The following TRPC7 variants were observed in gnomAD, a reference collection of about 807,000 sequenced individuals.
The protein encoded by TRPC7 is short transient receptor potential channel 7.
TRPC7 carries 42 observed loss-of-function variants against 90.1 expected under a neutral mutation model. The observed-to-expected ratio is 0.47, with a 90% CI of 0.36 to 0.60. The LOEUF is 0.60. TRPC7 is among the 20% of genes least tolerant of loss of function. The pLI, the probability that TRPC7 is intolerant of heterozygous loss-of-function variation, is 0.00. For missense variants in TRPC7, 955 were observed against 1,112.3 expected (o/e 0.86, Z 2.01); for synonymous variants, 451 against 436.3 (o/e 1.03, Z -0.42).
chr5:136,294,560 C>T (rs1758093538), intron 3 of TRPC7, among the ~76,000 whole-genome samples: 1 of 152,018 alleles, frequency 6.6e-6, no homozygotes, highest in African/African-American at 2.4e-5. Context: ...CCCTGGCCAT[C>T]AGAAAAATGC....
chr5:136,354,589 A>G (rs543803576), intron 2 of TRPC7, among the ~76,000 whole-genome samples: 1 of 152,198 alleles, frequency 6.6e-6, no homozygotes, highest in African/African-American at 2.4e-5. Context: ...AGTGCCTCAC[A>G]CTCCAAATTC....
intron 2 of TRPC7, among the ~76,000 whole-genome samples, chr5:136,333,307 A>T (rs1462372615): frequency 6.6e-6 from 1 of 152,122 alleles, no homozygotes; most frequent in Non-Finnish European, 1.5e-5. Context: ...AGAGGTTGGA[A>T]CAGGGCATTC....
chr5:136,243,812 C>A (rs1227065353), intron 7 of TRPC7, among the ~76,000 whole-genome samples: 1 of 152,094 alleles, frequency 6.6e-6, no homozygotes, highest in Non-Finnish European at 1.5e-5. Flanking sequence ...TCTGTTCAAT[C>A]AAATCCTATT....
At chr5:136,251,587 A>C (rs1756516763) in intron 6 of TRPC7, 62 bp downstream of exon 6, 1 of 1,321,376 alleles carries the variant, frequency 7.6e-7, no homozygotes, top group South Asian at 1.3e-5. Context: ...AGCCACAGTG[A>C]AGCACCAGGC....
intron 8 of TRPC7, among the ~76,000 whole-genome samples, chr5:136,227,864 T>TAATGCA (rs1305372100): frequency 6.6e-6 from 1 of 152,224 alleles, no homozygotes; most frequent in Non-Finnish European, 1.5e-5. Flanking sequence ...TTAAAGGAGT[T>TAATGCA]AATGCATAGA....
chr5:136,281,623 G>A (rs1007300452), intron 3 of TRPC7, among the ~76,000 whole-genome samples: 31 of 152,106 alleles, frequency 2.0e-4, no homozygotes, highest in African/African-American at 6.5e-4. Flanking sequence ...CATGGGGTTG[G>A]GAACATGCAC....
At chr5:136,358,884 CAA>C (rs1760472379) in intron 1 of TRPC7, among the ~76,000 whole-genome samples, 1 of 152,180 alleles carries the variant, frequency 6.6e-6, no homozygotes. Flanking sequence ...TAAATTTTAT[CAA>C]GAGTGTATCC....
chr5:136,231,414 C>A lies in TRPC7; in HGVS notation c.1980G>T (p.Met660Ile). Residue 660 changes from methionine to isoleucine, a missense_variant, in exon 8 of 12, where the codon ATG becomes ATT. Physicochemically the swap from Met to Ile is conservative, Grantham distance 10. Around this residue, in one of 4 missense-constraint regions of TRPC7, gnomAD observed 296 missense variants for 422.7 expected, o/e 0.70. Transcript: ENST00000513104. ...TTAGCATGTTGAGCAACACTACCAC[C>A]ATGGTGACGTTATAAACGCCGTAGA... ...YVLYGVYNVT[M>I]VVVLLNMLIA... 1 of 1,612,410 alleles carries A rather than the reference C, an allele frequency of 6.2e-7. No homozygotes were observed. The highest frequency in any genetic ancestry group is 8.5e-7 in the Non-Finnish European group (1 of 1,178,840).
At chr5:136,243,334 G>A (rs1007472356) in intron 7 of TRPC7, among the ~76,000 whole-genome samples, 7 of 152,014 alleles carry the variant, frequency 4.6e-5, no homozygotes, top group African/African-American at 1.7e-4. Flanking sequence ...TGGGGTTGGG[G>A]GGAGGTCAAA....
At position 136,247,612 on chromosome 5, in the gene TRPC7, A is replaced by T; in HGVS notation, c.1703T>A (p.Leu568Gln). ...ILPANESFGP[L>Q]QISLGRTVKD... is the part of the protein sequence containing the mutation. ...CACAGTTCTCCCTAGCGAGATCTGC[A>T]GGGGCCCAAAACTCTCGTTGGCTGG... The change falls in exon 7 of 12, where the codon CTG (leucine) becomes CAG (glutamine). Residue 568 changes from leucine (L) to glutamine (Q), a missense_variant. Leu to Gln is a moderately radical substitution (Grantham distance 113, BLOSUM62 -2). Around this residue, in one of 4 missense-constraint regions of TRPC7, gnomAD observed 296 missense variants for 422.7 expected, o/e 0.70. Transcript: ENST00000513104. This position sits in a 1 kb window ranked among gnomAD's most constrained non-coding sequence, Gnocchi z 4.2. The T allele has an allele frequency of 6.2e-7, 1 of 1,614,024 alleles. No individual in the cohort carries two copies. The highest frequency in any genetic ancestry group is 8.5e-7 in the Non-Finnish European group (1 of 1,179,898).
At position 136,266,262 on chromosome 5, in the gene TRPC7, G is replaced by C. The variant is rs781576825; in HGVS notation, c.1303C>G (p.Gln435Glu). 6.2e-7 allele frequency: 1 copy of C among 1,613,946 alleles called. No individual in the cohort carries two copies. The highest frequency in any genetic ancestry group is 1.1e-5 in the South Asian group (1 of 91,082). Residue 435 changes from glutamine (Q) to glutamate (E), a missense_variant, in exon 5 of 12, where the codon CAG (glutamine) becomes GAG (glutamate). This residue lies in a region of TRPC7 where 484 missense variants were observed against 509.6 expected (regional missense o/e 0.95). Coordinates refer to ENST00000513104, the MANE Select transcript of TRPC7 (RefSeq NM_020389.3). ...ATGAGCATTTCTGTCCAGGAGAACT[G>C]TGTGGTTTTCACTCTGAAGATTTGT... Reference protein sequence around the residue: ...PKQIFRVKTTQFSWTEMLIMK... With the variant: ...PKQIFRVKTTEFSWTEMLIMK...
chr5:136,323,358 T>G (rs987075100), intron 2 of TRPC7, among the ~76,000 whole-genome samples: 1 of 152,306 alleles, frequency 6.6e-6, no homozygotes, highest in Admixed American at 6.5e-5. Context: ...GTCCAATCTA[T>G]TATTTTGTCT....
chr5:136,332,502 AG>A (rs1175597555), intron 2 of TRPC7, among the ~76,000 whole-genome samples: 4 of 152,150 alleles, frequency 2.6e-5, no homozygotes, highest in Non-Finnish European at 5.9e-5. Context: ...CAAGAGCAAA[AG>A]CAGGAAGAGC....
Position 136,251,694 on chromosome 5 carries a change from G to T in TRPC7, c.1534C>A (p.Leu512Met), listed in dbSNP as rs775071978. 1.2e-6 allele frequency: 2 copies of T among 1,613,116 alleles called. No individual in the cohort carries two copies. The highest frequency in any genetic ancestry group is 1.7e-6 in the Non-Finnish European group (2 of 1,179,216). Residue 512 changes from leucine to methionine, a missense_variant, in exon 6 of 12, where the codon CTG (leucine) becomes ATG (methionine). Physicochemically the swap from Leu to Met is conservative, Grantham distance 15. This residue lies in a region of TRPC7 where 484 missense variants were observed against 509.6 expected (regional missense o/e 0.95). Transcript: ENST00000513104. ...TCCGGCGGAAGCGAGACATTGTGCAGCGTGTCGTCCTGCACGTGCTGGTCC... is the reference window on the plus strand; with the variant it reads ...TCCGGCGGAAGCGAGACATTGTGCATCGTGTCGTCCTGCACGTGCTGGTCC... ...YVDQHVQDDT[L>M]HNVSLPPEVA...
intron 4 of TRPC7, among the ~76,000 whole-genome samples, chr5:136,267,289 G>A (rs932194938): frequency 6.6e-6 from 1 of 152,140 alleles, no homozygotes; most frequent in East Asian, 1.9e-4. Context: ...TTGAGTACTT[G>A]CCAACCTCCT....
In TRPC7 at chr5:136,242,605, C is replaced by G. The variant is rs146054868; in HGVS notation, c.1844+4866G>C. The stretch of plus-strand genomic sequence containing the variant: ...TGAAATCCTACTAATAAGATATTCA[C>G]TTAAGTTAACAAGCTCCTTGTTTTT... On this transcript the variant is annotated intron_variant, in intron 7 of 11. Transcript: ENST00000513104. Among the ~76,000 whole-genome samples, 97 of 152,302 alleles carry G rather than the reference C, an allele frequency of 6.4e-4. No individual in the cohort carries two copies. In the East Asian group the frequency reaches 0.012, roughly 19 times the overall value.
At chr5:136,248,209 G>C (rs1234473570) in intron 6 of TRPC7, among the ~76,000 whole-genome samples, 3 of 152,232 alleles carry the variant, frequency 2.0e-5, no homozygotes, top group Non-Finnish European at 4.4e-5. Flanking sequence ...CAAGAGCATG[G>C]ACTTGGGAGT....
chr5:136,362,551 A>G (rs1484182974), intron 1 of TRPC7, among the ~76,000 whole-genome samples: 1 of 152,182 alleles, frequency 6.6e-6, no homozygotes, highest in Non-Finnish European at 1.5e-5. Flanking sequence ...AAGTTCTCAC[A>G]AACTATTACA....
At chr5:136,358,764 A>G (rs1398619847) in intron 1 of TRPC7, among the ~76,000 whole-genome samples, 1 of 152,164 alleles carries the variant, frequency 6.6e-6, no homozygotes, top group Non-Finnish European at 1.5e-5. Flanking sequence ...GCCTCTACCA[A>G]CTTGCACATC....
Sources: allele counts gnomAD v4.1 joint callset (sites outside exome capture counted in the v4.1 genomes callset), GRCh38; gene constraint gnomAD v4.1.1; regional missense constraint gnomAD v4.1.1; non-coding constraint Gnocchi (gnomAD v3.1); transcripts MANE v1.5; gene names NCBI Gene and HGNC (gene_info 2026-07-23, HGNC 2026-07-21).